The following ADCY10 variants were observed in gnomAD, a reference collection of about 807,000 sequenced individuals.
ADCY10 encodes adenylate cyclase 10.
A neutral mutation model predicts 183.3 loss-of-function variants in ADCY10; 156 were observed. The observed-to-expected ratio is 0.85, with a 90% confidence interval of 0.75 to 0.97. ADCY10 has a LOEUF of 0.97. Among genes scored for constraint, ADCY10 ranks in the 50% least tolerant of loss-of-function variants. ADCY10 has a pLI of 0.00. For synonymous variants in ADCY10, 645 were observed against 670.0 expected (o/e 0.96, Z 0.58); for missense variants, 1,745 against 1,934.3 (o/e 0.90, Z 1.84).
intron 19 of ADCY10, among the ~76,000 whole-genome samples, 155 bp downstream of exon 19, chr1:167,848,206 G>A (rs1281249293): frequency 1.1e-4 from 16 of 151,956 alleles, no homozygotes. Context: ...ACAGGTGTGT[G>A]CCTGGCTAAT....
chr1:167,899,312 C>T, intron 6 of ADCY10, 111 bp downstream of exon 6: 1 of 1,096,944 alleles, frequency 9.1e-7, no homozygotes, highest in Non-Finnish European at 1.4e-6. Flanking sequence ...GACCCCATCC[C>T]AATCTCCAGC....
chr1:167,845,680 A>G lies in ADCY10; in HGVS notation c.2890T>C (p.Cys964Arg). 1.2e-6 allele frequency: 2 copies of G among 1,614,266 alleles called. No homozygotes were observed. Among genetic ancestry groups the G allele is most frequent in the Non-Finnish European group, 8.5e-7 (1 of 1,180,050 alleles). The change falls in exon 21 of 33, where the codon TGT becomes CGT. Residue 964 changes from cysteine to arginine, a missense_variant. Transcript: ENST00000367851. ...ARFLEEDAHRCDHCRGRDFIP... is the reference protein window; with the variant it reads ...ARFLEEDAHRRDHCRGRDFIP... ...AAGTCCCTGCCTCGGCAGTGGTCAC[A>G]TCTGTGGGCATCTTCTTCTAAAAAG...
intron 26 of ADCY10, among the ~76,000 whole-genome samples, chr1:167,826,865 G>C (rs1333827564): frequency 4.6e-5 from 7 of 152,142 alleles, no homozygotes; most frequent in Non-Finnish European, 4.4e-5. Flanking sequence ...GTGACAGATG[G>C]GATTAAACTT....
intron 31 of ADCY10, among the ~76,000 whole-genome samples, chr1:167,814,154 A>C (rs1280070676): frequency 6.6e-6 from 1 of 152,172 alleles, no homozygotes; most frequent in Non-Finnish European, 1.5e-5. Flanking sequence ...AATTGAATTA[A>C]ACTCTCAACA....
chr1:167,852,005 T>C (rs546576015), intron 18 of ADCY10, among the ~76,000 whole-genome samples: 5 of 152,216 alleles, frequency 3.3e-5, no homozygotes, highest in South Asian at 4.1e-4. Context: ...AATTAATTAT[T>C]TTAAAGTATA....
chr1:167,834,333 C>T (rs549189959), intron 23 of ADCY10: 4 of 557,338 alleles, frequency 7.2e-6, no homozygotes, highest in Admixed American at 6.1e-5. Context: ...GAAATCTCCA[C>T]CTTTCTTCAC....
chr1:167,885,447 G>GTT (rs1485167303), intron 8 of ADCY10, among the ~76,000 whole-genome samples: 1 of 152,034 alleles, frequency 6.6e-6, no homozygotes, highest in African/African-American at 2.4e-5. Flanking sequence ...CCTGTCCAGC[G>GTT]TTTGTTATTG....
intron 17 of ADCY10, among the ~76,000 whole-genome samples, chr1:167,855,329 A>AAAACAAAC (rs34829966): frequency 0.016 from 2,437 of 150,982 alleles, 25 homozygotes; most frequent in East Asian, 0.04. Flanking sequence ...TAAAAAACAA[A>AAAACAAAC]AAACAAACAA....
At chr1:167,813,562 G>A (rs1479194410) in intron 31 of ADCY10, among the ~76,000 whole-genome samples, 1 of 152,114 alleles carries the variant, frequency 6.6e-6, no homozygotes, top group Non-Finnish European at 1.5e-5. Flanking sequence ...AAGGAGCCCT[G>A]TAGGGTAAAA....
In ADCY10 at chr1:167,810,701, G is replaced by A. The variant is rs201724041; in HGVS notation, c.4671+24C>T. The A allele has an allele frequency of 3.2e-4, 517 of 1,613,212 alleles. 2 individuals carry two copies. In the African/African-American group the frequency reaches 5.7e-3, roughly 18 times the overall value. ...TTATATGGGTGAGCATCGCCACCCC[G>A]GTTTGCTAGCTGATGATACATACTT... On this transcript the variant is annotated intron_variant, in intron 32 of 32. Transcript: ENST00000367851.
At chr1:167,857,784 G>A (rs1037506864) in intron 16 of ADCY10, among the ~76,000 whole-genome samples, 2 of 152,136 alleles carry the variant, frequency 1.3e-5, no homozygotes, top group African/African-American at 4.8e-5. Context: ...ACTTGCCCAG[G>A]GTCACACAGA....
intron 18 of ADCY10, 97 bp from the exon 19 acceptor site, chr1:167,848,586 G>A (rs897385080): frequency 1.5e-6 from 2 of 1,328,698 alleles, no homozygotes; most frequent in Admixed American, 3.4e-5. Flanking sequence ...ATATGAGGAA[G>A]ACTGGGCAGA....
At chr1:167,904,082 C>CTTT (rs879025060) in intron 2 of ADCY10, 91 bp from the exon 3 acceptor site, 641 of 362,580 alleles carry the variant, frequency 1.8e-3, no homozygotes, top group Middle Eastern at 3.5e-3. Flanking sequence ...CGGGCCTCAG[C>CTTT]TTTTTTTTTT....
intron 23 of ADCY10, among the ~76,000 whole-genome samples, chr1:167,835,844 C>T (rs886089284): frequency 1.8e-4 from 28 of 152,226 alleles, no homozygotes; most frequent in African/African-American, 4.1e-4. Flanking sequence ...GAGCAGAGAT[C>T]GCGCCACTAC....
rs371824241 is a variant in ADCY10, at chr1:167,823,029, A to G, written c.4147T>C (p.Leu1383=). The change falls in exon 29 of 33, where the codon TTG becomes CTG. Residue 1383 remains leucine (L), a synonymous_variant. Coordinates refer to ENST00000367851, the MANE Select transcript of ADCY10 (RefSeq NM_018417.6). ...FSKAFFYFVC[L]DILLYSGFVY... is the part of the protein sequence containing the mutation. ...TTACCAGAATAAAGCAGGATGTCCA[A>G]GCAGACAAAATAGAAAAATGCCTTG... The G allele has an allele frequency of 1.2e-5, 19 of 1,614,072 alleles. No homozygotes were observed. In the African/African-American group the frequency reaches 2.1e-4, roughly 18 times the overall value.
intron 5 of ADCY10, among the ~76,000 whole-genome samples, chr1:167,901,443 G>C (rs1358194378): frequency 6.6e-6 from 1 of 152,124 alleles, no homozygotes; most frequent in Non-Finnish European, 1.5e-5. Flanking sequence ...TTTACTTTTT[G>C]TAATAGCTTA....
chr1:167,865,995 C>T (rs915916533), intron 14 of ADCY10, among the ~76,000 whole-genome samples: 24 of 152,246 alleles, frequency 1.6e-4, no homozygotes, highest in African/African-American at 5.8e-4. Context: ...ACTAAGTTCA[C>T]TTCATGTCTC....
At chr1:167,820,082 T>C in intron 30 of ADCY10, 2 of 1,567,028 alleles carry the variant, frequency 1.3e-6, no homozygotes, top group Non-Finnish European at 1.7e-6. Context: ...GAGATAAAAT[T>C]TGGCTATGGT....
At position 167,845,578 on chromosome 1, in the gene ADCY10, A is replaced by C. The variant is rs1292789144; in HGVS notation, c.2992T>G (p.Ser998Ala). Residue 998 changes from serine (S) to alanine (A), a missense_variant, in exon 21 of 33, where the codon TCT (serine) becomes GCT (alanine). By Grantham distance (99) the Ser-to-Ala change is moderately conservative. Coordinates refer to ENST00000367851, the MANE Select transcript of ADCY10 (RefSeq NM_018417.6). ...DMDAIKKMAM[S>A]HGFKTEEKLI... ...AGTAGGTTACTTTTAAATCCATGAGACATAGCCATCTTTTTAATGGCATCC... is the reference window on the plus strand; with the variant it reads ...AGTAGGTTACTTTTAAATCCATGAGCCATAGCCATCTTTTTAATGGCATCC... The C allele has an allele frequency of 6.2e-7, 1 of 1,614,096 alleles. No homozygotes were observed. The highest frequency in any genetic ancestry group is 8.5e-7 in the Non-Finnish European group (1 of 1,180,026).
Sources: gnomAD v4.1 joint callset for allele counts (sites outside exome capture counted in the v4.1 genomes callset) on GRCh38, gnomAD v4.1.1 for gene constraint, MANE v1.5 for transcripts, NCBI Gene and HGNC (gene_info 2026-07-23, HGNC 2026-07-21) for gene names.